Variants in BNC2 observed in about 807,000 individuals in gnomAD.
The protein encoded by BNC2 is zinc finger protein basonuclin-2.
A neutral mutation model predicts 76.3 loss-of-function variants in BNC2; 20 were observed. The ratio of observed to expected loss-of-function variants is 0.26; its 90% CI spans 0.18 to 0.38. The LOEUF (loss-of-function observed/expected upper bound fraction) is 0.38. Among genes scored for constraint, BNC2 ranks in the 10% least tolerant of loss-of-function variants. The pLI is 1.00. For missense variants in BNC2, 1,382 were observed against 1,399.8 expected (o/e 0.99, Z 0.20); for synonymous variants, 582 against 514.8 (o/e 1.13, Z -1.77).
At chr9:16,707,315 G>A (rs893310152) in intron 3 of BNC2, among the ~76,000 whole-genome samples, 2 of 151,966 alleles carry the variant, frequency 1.3e-5, no homozygotes, top group Non-Finnish European at 2.9e-5. Flanking sequence ...GAAGTTACTA[G>A]AGTAAAACCC....
chr9:16,649,647 T>A (rs112338069), intron 3 of BNC2, among the ~76,000 whole-genome samples: 88 of 152,334 alleles, frequency 5.8e-4, no homozygotes, highest in African/African-American at 1.9e-3. Context: ...TTTCTTTTAA[T>A]CTTAAAATCT....
chr9:16,823,943 TACAG>T (rs1225299153), intron 1 of BNC2, among the ~76,000 whole-genome samples: 7 of 152,250 alleles, frequency 4.6e-5, no homozygotes, highest in Admixed American at 6.5e-5. Flanking sequence ...ATAAGATGCC[TACAG>T]ACAATTATAA....
chr9:16,832,319 G>C (rs1263234796), intron 1 of BNC2: 8 of 1,269,884 alleles, frequency 6.3e-6, no homozygotes, highest in Non-Finnish European at 6.1e-6. Context: ...AAGAAGCCAT[G>C]AAGCACAGAA....
intron 3 of BNC2, among the ~76,000 whole-genome samples, chr9:16,674,016 C>T (rs528474140): frequency 1.8e-4 from 27 of 152,330 alleles, no homozygotes; most frequent in African/African-American, 5.8e-4. Context: ...TTTACTCAAA[C>T]GTACAACTAG....
intron 3 of BNC2, among the ~76,000 whole-genome samples, chr9:16,587,776 C>T (rs1212349099): frequency 1.3e-5 from 2 of 151,986 alleles, no homozygotes; most frequent in Admixed American, 6.6e-5. Context: ...CTCTAGCTTC[C>T]CTCCTTCCAA....
chr9:16,452,315 C>G (rs1369730279), intron 5 of BNC2, among the ~76,000 whole-genome samples: 1 of 152,122 alleles, frequency 6.6e-6, no homozygotes, highest in African/African-American at 2.4e-5. Context: ...CAGCAAACTG[C>G]AACACTGTCT....
chr9:16,506,924 G>C (rs1822641624), intron 5 of BNC2, among the ~76,000 whole-genome samples: 1 of 151,514 alleles, frequency 6.6e-6, no homozygotes, highest in African/African-American at 2.4e-5. Context: ...GCTAATTTTT[G>C]TATTTTTAGT....
At chr9:16,764,698 T>C (rs1244641339) in intron 1 of BNC2, among the ~76,000 whole-genome samples, 4 of 151,536 alleles carry the variant, frequency 2.6e-5, no homozygotes, top group Non-Finnish European at 5.9e-5. Flanking sequence ...AGCTCATTAA[T>C]GTGGAATTAT....
At chr9:16,719,502 T>C (rs1288087629) in intron 3 of BNC2, among the ~76,000 whole-genome samples, 4 of 152,136 alleles carry the variant, frequency 2.6e-5, no homozygotes, top group African/African-American at 7.2e-5. Context: ...ACTCCGATCA[T>C]AAAATGTGAG....
intron 3 of BNC2, among the ~76,000 whole-genome samples, chr9:16,664,144 C>T (rs971920827): frequency 2.6e-5 from 4 of 152,128 alleles, no homozygotes; most frequent in Non-Finnish European, 4.4e-5. Context: ...AAAAAAATGA[C>T]ACTCTGGACT....
chr9:16,650,356 T>C (rs1821759813), intron 3 of BNC2, among the ~76,000 whole-genome samples: 1 of 152,182 alleles, frequency 6.6e-6, no homozygotes, highest in African/African-American at 2.4e-5. Context: ...GCTCAACTGG[T>C]TAGGGCATCA....
intron 5 of BNC2, among the ~76,000 whole-genome samples, chr9:16,530,644 T>G (rs995451664): frequency 6.6e-6 from 1 of 152,244 alleles, no homozygotes; most frequent in Admixed American, 6.5e-5. Context: ...GCATTAACTT[T>G]TTGCATTTGT....
chr9:16,717,308 AACTT>A (rs1824020282), intron 3 of BNC2, among the ~76,000 whole-genome samples: 1 of 152,206 alleles, frequency 6.6e-6, no homozygotes, highest in South Asian at 2.1e-4. Flanking sequence ...TCCAAGACTA[AACTT>A]ACTTTCTTTC....
intron 1 of BNC2, among the ~76,000 whole-genome samples, chr9:16,767,430 G>C (rs1041876685): frequency 6.6e-6 from 1 of 152,196 alleles, no homozygotes; most frequent in Non-Finnish European, 1.5e-5. Context: ...AGGGATATGG[G>C]AGAGAAAACT....
chr9:16,794,324 C>A (rs541717986), intron 1 of BNC2, among the ~76,000 whole-genome samples: 2 of 152,232 alleles, frequency 1.3e-5, no homozygotes, highest in South Asian at 2.1e-4. Flanking sequence ...CAATCACTGC[C>A]GAGGGGAATG....
chr9:16,762,213 T>C (rs1271518433), intron 1 of BNC2, among the ~76,000 whole-genome samples: 1 of 152,136 alleles, frequency 6.6e-6, no homozygotes, highest in African/African-American at 2.4e-5. Flanking sequence ...CATATGGAAG[T>C]ACCTCACCTT....
chr9:16,806,549 T>C (rs985111273), intron 1 of BNC2, among the ~76,000 whole-genome samples: 4 of 152,176 alleles, frequency 2.6e-5, no homozygotes, highest in Non-Finnish European at 5.9e-5. Flanking sequence ...AAGTAAAGTG[T>C]TGCTTTTTAT....
chr9:16,613,932 G>C (rs1820623446), intron 3 of BNC2, among the ~76,000 whole-genome samples: 1 of 152,102 alleles, frequency 6.6e-6, no homozygotes, highest in Non-Finnish European at 1.5e-5. Flanking sequence ...ACAAAAGAAA[G>C]GTAACAGTCA....
chr9:16,559,089 C>T (rs1029371186), intron 4 of BNC2, among the ~76,000 whole-genome samples: 8 of 151,950 alleles, frequency 5.3e-5, no homozygotes, highest in East Asian at 3.9e-4. Flanking sequence ...CAAAGAGGGA[C>T]GAATGCCTTC....
Sources: allele counts gnomAD v4.1 joint callset (sites outside exome capture counted in the v4.1 genomes callset), GRCh38; gene constraint gnomAD v4.1.1; transcripts MANE v1.5; gene names NCBI Gene and HGNC (gene_info 2026-07-23, HGNC 2026-07-21).